PLCD1: variants seen among roughly 807,000 people sequenced by gnomAD.
PLCD1 encodes the protein phospholipase C delta 1, also known as 1-phosphatidylinositol 4,5-bisphosphate phosphodiesterase delta-1.
PLCD1 carries 71 observed loss-of-function variants against 87.4 expected under a neutral mutation model. The observed-to-expected ratio is 0.81, with a 90% CI of 0.67 to 0.99. PLCD1 has a LOEUF of 0.99. Among genes scored for constraint, PLCD1 ranks in the 50% least tolerant of loss-of-function variants. The pLI is 0.00. For missense variants in PLCD1, 867 were observed against 1,001.5 expected (o/e 0.87, Z 1.81); for synonymous variants, 348 against 399.2 (o/e 0.87, Z 1.53).
rs1700054127 is a variant in PLCD1 at position 38,010,461 on chromosome 3, T to G, written c.892A>C (p.Met298Leu). The change falls in exon 6 of 15, where the codon ATG becomes CTG. Residue 298 changes from methionine (M) to leucine (L), a missense_variant. Transcript: ENST00000334661. ...AGGTAGTGGCTAAGTGGCTGGCCCA[T>G]GTCCTGGTAGACACGGCGGTGTGCC... ...SLAHRRVYQD[M>L]GQPLSHYLVS... is the part of the protein sequence containing the mutation. The G allele has an allele frequency of 1.2e-6, 2 of 1,614,174 alleles. No homozygotes were observed. The highest frequency in any genetic ancestry group is 1.7e-6 in the Non-Finnish European group (2 of 1,179,990).
At chr3:38,010,098 A>G in intron 7 of PLCD1, 33 bp downstream of exon 7, 1 of 1,614,078 alleles carries the variant, frequency 6.2e-7, no homozygotes, top group Non-Finnish European at 8.5e-7. Flanking sequence ...CACCCCTAGC[A>G]TCCCACTCCT....
chr3:38,011,708 T>C, intron 3 of PLCD1, 35 bp from the exon 4 acceptor site: 1 of 1,613,140 alleles, frequency 6.2e-7, no homozygotes, highest in Non-Finnish European at 8.5e-7. Flanking sequence ...CCAGGAACCC[T>C]GGAACCTACC....
In PLCD1 at chr3:38,025,705, A is replaced by G. The variant is rs1700301805; in HGVS notation, c.34+3801T>C. On this transcript the variant is annotated intron_variant, in intron 1 of 14. Transcript: ENST00000334661. This position sits in a 1 kb window ranked among gnomAD's most constrained non-coding sequence, Gnocchi z 4.0. ...TAACTTTGCACAAAACTTTGCTGCC[A>G]ATATGCTCGGGAACAGTGGGTCCTT... Among the ~76,000 whole-genome samples, 1 of 152,252 alleles carries G rather than the reference A, an allele frequency of 6.6e-6. No individual in the cohort carries two copies. Among genetic ancestry groups the G allele is most frequent in the Non-Finnish European group, 1.5e-5 (1 of 68,050 alleles).
rs759422872 is a variant in PLCD1, at chr3:38,009,814, A to T, written c.1288-3T>A. ...AGCAGGATCTTCCCCTTCAGTTGCT[A>T]GGTGGGGAGGGGCAACTGGTCAAGA... On this transcript the variant is annotated splice_region_variant and splice_polypyrimidine_tract_variant and intron_variant, in intron 8 of 14. Coordinates refer to ENST00000334661, the MANE Select transcript of PLCD1 (RefSeq NM_006225.4). 40 of 1,613,640 alleles carry T rather than the reference A, an allele frequency of 2.5e-5. No individual in the cohort carries two copies. Among genetic ancestry groups the T allele is most frequent in the Non-Finnish European group, 3.3e-5 (39 of 1,179,984 alleles).
chr3:38,023,312 A>T (rs1700261073), intron 1 of PLCD1, among the ~76,000 whole-genome samples: 1 of 152,136 alleles, frequency 6.6e-6, no homozygotes, highest in Non-Finnish European at 1.5e-5. Context: ...GCCCCCCAAA[A>T]TTACACACTG....
intron 3 of PLCD1, 42 bp downstream of exon 3, chr3:38,016,449 G>A (rs1213287531): frequency 7.2e-7 from 1 of 1,388,706 alleles, no homozygotes; most frequent in South Asian, 1.2e-5. Context: ...CACAGCCAGT[G>A]TCCACAAGCC....
chr3:38,011,831 T>TGTTACGTCCC lies in PLCD1; in HGVS notation c.429-159_429-158insGGGACGTAAC, dbSNP rs57948844. Among the ~76,000 whole-genome samples the TGTTACGTCCC allele has an allele frequency of 0.22, 33,400 of 151,998 alleles. 4,604 individuals are homozygous for TGTTACGTCCC. The highest frequency in any genetic ancestry group is 0.4 in the African/African-American group (16,362 of 41,398). On this transcript the variant is annotated intron_variant, in intron 3 of 14. Coordinates refer to ENST00000334661, the MANE Select transcript of PLCD1 (RefSeq NM_006225.4). ...TTTCAGTGGCCTCTTCAGAGGAAAATGTTAAGGGGTCTTTTTCTATTTGCT... is the reference window on the plus strand; with the variant it reads ...TTTCAGTGGCCTCTTCAGAGGAAAATGTTACGTCCCGTTAAGGGGTCTTTTTCTATTTGCT...
At chr3:38,009,854 C>T (rs544467628) in intron 8 of PLCD1, 43 bp from the exon 9 acceptor site, 64 of 1,609,162 alleles carry the variant, frequency 4.0e-5, no homozygotes, top group Admixed American at 2.7e-4. Context: ...CCTAGCGCCC[C>T]GGCTAGGCTC....
At position 38,016,592 on chromosome 3, in the gene PLCD1, G is replaced by A. The variant is rs1368087959; in HGVS notation, c.327C>T (p.Asp109=). 1 of 1,613,928 alleles carries A rather than the reference G, an allele frequency of 6.2e-7. No individual in the cohort carries two copies. Among genetic ancestry groups the A allele is most frequent in the South Asian group, 1.1e-5 (1 of 91,036 alleles). The part of the protein sequence containing the change: ...IVFKDQRNTL[D]LIAPSPADAQ... ...CATCAGCTGGCGATGGGGCGATGAGGTCTAGTGTATTGCGCTGGTCCTTGA... is the reference window on the plus strand; with the variant it reads ...CATCAGCTGGCGATGGGGCGATGAGATCTAGTGTATTGCGCTGGTCCTTGA... The change falls in exon 3 of 15, where the codon GAC becomes GAT. Residue 109 remains aspartate, a synonymous_variant. Coordinates refer to ENST00000334661, the MANE Select transcript of PLCD1 (RefSeq NM_006225.4).
At chr3:38,027,120 G>A (rs567950166) in intron 1 of PLCD1, among the ~76,000 whole-genome samples, 1 of 152,348 alleles carries the variant, frequency 6.6e-6, no homozygotes, top group South Asian at 2.1e-4. Flanking sequence ...GTAAGGTGAA[G>A]GAAGGAGGAT....
At chr3:38,015,854 T>C (rs1227011333) in intron 3 of PLCD1, among the ~76,000 whole-genome samples, 2 of 152,136 alleles carry the variant, frequency 1.3e-5, no homozygotes, top group Non-Finnish European at 2.9e-5. Flanking sequence ...CTAGAAAACA[T>C]GATTAAAACA....
At chr3:38,019,780 C>T (rs1189840315) in intron 2 of PLCD1, among the ~76,000 whole-genome samples, 1 of 152,196 alleles carries the variant, frequency 6.6e-6, no homozygotes, top group Non-Finnish European at 1.5e-5. Context: ...CCCTAGCTCC[C>T]ACCTGGCCAC....
Position 38,020,202 on chromosome 3 carries a change from G to A in PLCD1, c.185C>T (p.Pro62Leu), listed in dbSNP as rs1200372259. 2.0e-5 allele frequency: 32 copies of A among 1,613,652 alleles called. No homozygotes were observed. Among genetic ancestry groups the A allele is most frequent in the Admixed American group, 1.0e-4 (6 of 59,996 alleles). Residue 62 changes from proline (P) to leucine (L), a missense_variant, in exon 2 of 15, where the codon CCG (proline) becomes CTG (leucine). Physicochemically the swap from Pro to Leu is moderately conservative, Grantham distance 98. Coordinates refer to ENST00000334661, the MANE Select transcript of PLCD1 (RefSeq NM_006225.4). ...AGGGCACTCACACAGCTGGGACTCCGGGGTCCGCATGACCTTGCGGGACTC... is the reference window on the plus strand; with the variant it reads ...AGGGCACTCACACAGCTGGGACTCCAGGGTCCGCATGACCTTGCGGGACTC... Reference protein sequence around the residue: ...WQESRKVMRTPESQLFSIEDI... With the variant: ...WQESRKVMRTLESQLFSIEDI...
rs539188366 is a variant in PLCD1, at chr3:38,009,350, G to A, written c.1528C>T (p.Pro510Ser). The A allele has an allele frequency of 7.4e-6, 12 of 1,614,148 alleles. No homozygotes were observed. The highest frequency in any genetic ancestry group is 6.6e-5 in the South Asian group (6 of 91,080). The stretch of plus-strand genomic sequence containing the variant: ...TAGAAGGCCTGTCCAGGGGTGCCAG[G>A]ACTGGAGAAGCCCCCAAAGTGGACA... ...KSVHFGGFSS[P>S]GTPGQAFYEM... The change falls in exon 10 of 15, where the codon CCT (proline) becomes TCT (serine). Residue 510 changes from proline (P) to serine (S), a missense_variant. Physicochemically the swap from Pro to Ser is moderately conservative, Grantham distance 74 (BLOSUM62 -1). Coordinates refer to ENST00000334661, the MANE Select transcript of PLCD1 (RefSeq NM_006225.4).
rs1699977300 is a variant in PLCD1 at position 38,007,546 on chromosome 3, G to GGGT, written c.*224_*226dup. 1.5e-6 allele frequency: 1 copy of GGGT among 683,264 alleles called. No homozygotes were observed. The highest frequency in any genetic ancestry group is 1.8e-5 in the African/African-American group (1 of 56,824). The allele number at this position is 683,264 out of a possible 1,614,324, so 42.3% of individuals were successfully genotyped here. On this transcript the variant is annotated 3_prime_UTR_variant, in exon 15 of 15. Transcript: ENST00000334661. ...AATCCTTGACCACTCGCTGGCCGGA[G>GGGT]GGTGGAGAGGGCTGCAGTGTTATTC...
At chr3:38,022,258 G>A (rs1337563277) in intron 1 of PLCD1, among the ~76,000 whole-genome samples, 1 of 152,230 alleles carries the variant, frequency 6.6e-6, no homozygotes, top group African/African-American at 2.4e-5. Context: ...AAAAGAAGGG[G>A]GCTCTGATAG....
At chr3:38,013,564 C>T (rs1700115001) in intron 3 of PLCD1, among the ~76,000 whole-genome samples, 1 of 152,224 alleles carries the variant, frequency 6.6e-6, no homozygotes, top group African/African-American at 2.4e-5. Context: ...GGAAATCATA[C>T]ATTTGTAGTC....
Position 38,011,261 on chromosome 3 carries a change from G to A in PLCD1, c.743C>T (p.Pro248Leu). Reference sequence around the variant, plus strand: ...CTCAATGAGGGAGAGGGCCAGCGCAGGCCCTGCCGCCTCCTCCCGCTGCTG... The same window carrying A: ...CTCAATGAGGGAGAGGGCCAGCGCAAGCCCTGCCGCCTCCTCCCGCTGCTG... ...QHQQREEAAG[P>L]ALALSLIERY... The change falls in exon 5 of 15, where the codon CCT (proline) becomes CTT (leucine). Residue 248 changes from proline (P) to leucine (L), a missense_variant. Physicochemically the swap from Pro to Leu is moderately conservative, Grantham distance 98. Transcript: ENST00000334661. 1 of 1,611,540 alleles carries A rather than the reference G, an allele frequency of 6.2e-7. No individual in the cohort carries two copies.
Position 38,009,379 on chromosome 3 carries a change from T to C in PLCD1, c.1499A>G (p.Lys500Arg). Reference sequence around the variant, plus strand: ...GGAGAAGCCCCCAAAGTGGACACTCTTGCAGTAAATGACCATGTCAGAGAG... The same window carrying C: ...GGAGAAGCCCCCAAAGTGGACACTCCTGCAGTAAATGACCATGTCAGAGAG... ...QELSDMVIYCKSVHFGGFSSP... is the reference protein window; with the variant it reads ...QELSDMVIYCRSVHFGGFSSP... Residue 500 changes from lysine (K) to arginine (R), a missense_variant, in exon 10 of 15, where the codon AAG (lysine) becomes AGG (arginine). By Grantham distance (26) the Lys-to-Arg change is conservative (BLOSUM62 2). Transcript: ENST00000334661. The C allele has an allele frequency of 6.2e-7, 1 of 1,614,134 alleles. No individual in the cohort carries two copies. Among genetic ancestry groups the C allele is most frequent in the East Asian group, 2.2e-5 (1 of 44,876 alleles).
Sources: allele counts gnomAD v4.1 joint callset (sites outside exome capture counted in the v4.1 genomes callset), GRCh38; gene constraint gnomAD v4.1.1; non-coding constraint Gnocchi (gnomAD v3.1); transcripts MANE v1.5; gene names NCBI Gene and HGNC (gene_info 2026-07-23, HGNC 2026-07-21).